HPSE2: variants seen among roughly 807,000 people sequenced by gnomAD.
HPSE2 encodes inactive heparanase-2.
Under a neutral mutation model 60.5 loss-of-function variants are expected in HPSE2, and 38 were observed. The observed-to-expected ratio is 0.63, with a 90% CI of 0.48 to 0.82. The LOEUF (loss-of-function observed/expected upper bound fraction) is 0.82. HPSE2 is among the 40% of genes least tolerant of loss of function. The probability of loss-of-function intolerance (pLI) is 0.00; values close to 1 mark genes in which losing one functional copy is unlikely to be tolerated. For synonymous variants in HPSE2, 295 were observed against 293.2 expected, an observed-to-expected ratio of 1.01 and a Z score of -0.06; for missense variants, 713 against 740.4, an observed-to-expected ratio of 0.96 and a Z score of 0.43.
chr10:99,160,681 C>T lies in HPSE2; in HGVS notation c.449-16282G>A, dbSNP rs61354444. 1.6e-3 allele frequency among the ~76,000 whole-genome samples: 250 copies of T among 151,832 alleles called. 1 individual carries two copies. The highest frequency in any genetic ancestry group is 5.6e-3 in the African/African-American group (233 of 41,456). ...TTGGGAGGCCGAGGCGGGCGGATCACGAGGTCAGGAGATCGAGACCATCCC... is the reference window on the plus strand; with the variant it reads ...TTGGGAGGCCGAGGCGGGCGGATCATGAGGTCAGGAGATCGAGACCATCCC... On this transcript the variant is annotated intron_variant, in intron 2 of 11. Transcript: ENST00000370552.
chr10:99,012,423 T>C (rs1482176052), intron 3 of HPSE2, among the ~76,000 whole-genome samples: 4 of 151,948 alleles, frequency 2.6e-5, no homozygotes, highest in Non-Finnish European at 5.9e-5. Context: ...TCATGCTTTT[T>C]CCTTTTCCTT....
chr10:98,865,762 C>G (rs1952572178), intron 3 of HPSE2, among the ~76,000 whole-genome samples: 1 of 152,030 alleles, frequency 6.6e-6, no homozygotes, highest in African/African-American at 2.4e-5. Flanking sequence ...AGTACTTATT[C>G]CTGCCAGTAA....
intron 9 of HPSE2, among the ~76,000 whole-genome samples, chr10:98,579,781 T>C (rs1358132522): frequency 1.3e-5 from 2 of 152,214 alleles, no homozygotes; most frequent in Non-Finnish European, 2.9e-5. Flanking sequence ...CCCTCCACTT[T>C]ACAGTTTCTA....
chr10:98,500,472 C>T lies in HPSE2; in HGVS notation c.1321-10276G>A, dbSNP rs146240084. On this transcript the variant is annotated intron_variant, in intron 9 of 11. Transcript: ENST00000370552. ...GATAGAAATTAAAAAATTATTCAAA[C>T]GAAATGACAATAATGACACAACCTG... Among the ~76,000 whole-genome samples the T allele has an allele frequency of 3.3e-3, 503 of 152,208 alleles. 3 individuals are homozygous for T. The highest frequency in any genetic ancestry group is 5.6e-3 in the Non-Finnish European group (379 of 67,982).
intron 3 of HPSE2, among the ~76,000 whole-genome samples, chr10:98,971,342 A>G (rs755114825): frequency 6.6e-6 from 1 of 152,166 alleles, no homozygotes; most frequent in Non-Finnish European, 1.5e-5. Flanking sequence ...AGAGGATATA[A>G]TTAATTCTAC....
At chr10:98,461,657 C>T (rs1206667426) in intron 11 of HPSE2, 8 of 756,196 alleles carry the variant, frequency 1.1e-5, no homozygotes, top group Non-Finnish European at 1.5e-5. Context: ...TCAATAATAC[C>T]GATTAATCTT....
At chr10:99,152,903 G>A (rs1052410149) in intron 2 of HPSE2, among the ~76,000 whole-genome samples, 17 of 152,234 alleles carry the variant, frequency 1.1e-4, no homozygotes, top group East Asian at 1.9e-4. Context: ...CGCATCGTGC[G>A]CGAGCCGAAG....
intron 11 of HPSE2, among the ~76,000 whole-genome samples, chr10:98,477,023 T>C (rs1042722211): frequency 1.3e-5 from 2 of 152,212 alleles, no homozygotes; most frequent in African/African-American, 4.8e-5. Flanking sequence ...ACTGTTGTTG[T>C]AGCACATTGT....
chr10:98,470,408 A>G (rs1940729818), intron 11 of HPSE2, among the ~76,000 whole-genome samples: 3 of 152,172 alleles, frequency 2.0e-5, no homozygotes, highest in Admixed American at 2.0e-4. Context: ...GGTGTTTGGC[A>G]GTGGGTCCAC....
At chr10:98,565,099 G>T (rs614927) in intron 9 of HPSE2, among the ~76,000 whole-genome samples, 4 of 151,410 alleles carry the variant, frequency 2.6e-5, no homozygotes, top group African/African-American at 9.8e-5. Flanking sequence ...TTTTTTGTCA[G>T]TTTGTGGAAT....
chr10:99,094,783 C>T (rs1301870484), intron 3 of HPSE2, among the ~76,000 whole-genome samples: 2 of 151,414 alleles, frequency 1.3e-5, no homozygotes, highest in African/African-American at 4.9e-5. Context: ...TCTCAAACTA[C>T]TAACCTCTAG....
At chr10:98,889,939 TAACTCTTTACAAGGA>T (rs1335811880) in intron 3 of HPSE2, among the ~76,000 whole-genome samples, 2 of 152,184 alleles carry the variant, frequency 1.3e-5, no homozygotes, top group Non-Finnish European at 2.9e-5. Flanking sequence ...TAAATTAGTA[TAACTCTTTACAAGGA>T]AAATTTGGTA....
At chr10:99,260,905 C>A in the HPSE2 span, among the ~76,000 whole-genome samples, 1 of 152,196 alleles carries the variant, frequency 6.6e-6, no homozygotes, top group Non-Finnish European at 1.5e-5. Flanking sequence ...AAAACCTCTT[C>A]AACTCACACC....
the HPSE2 span, among the ~76,000 whole-genome samples, chr10:99,303,742 G>A: frequency 1.3e-5 from 2 of 152,106 alleles, no homozygotes; most frequent in African/African-American, 2.4e-5. Context: ...AGCCAGAAGT[G>A]GTAACATGAT....
chr10:99,290,644 G>C, the HPSE2 span, among the ~76,000 whole-genome samples: 4 of 152,158 alleles, frequency 2.6e-5, no homozygotes, highest in Admixed American at 2.6e-4. Flanking sequence ...GCCCATAGTG[G>C]GTTGGGGCAC....
intron 3 of HPSE2, among the ~76,000 whole-genome samples, chr10:99,089,414 A>C (rs978341223): frequency 6.6e-6 from 1 of 152,120 alleles, no homozygotes; most frequent in Non-Finnish European, 1.5e-5. Flanking sequence ...TCACAGCACC[A>C]TTTGTTGAAC....
At chr10:98,543,883 G>A (rs1943561608) in intron 9 of HPSE2, among the ~76,000 whole-genome samples, 1 of 152,030 alleles carries the variant, frequency 6.6e-6, no homozygotes, top group Non-Finnish European at 1.5e-5. Context: ...AATAATGGGA[G>A]ACTTTAACAC....
the HPSE2 span, among the ~76,000 whole-genome samples, chr10:99,309,188 A>T: frequency 6.6e-6 from 1 of 152,058 alleles, no homozygotes; most frequent in African/African-American, 2.4e-5. Flanking sequence ...GAAAGAATGG[A>T]GAGTAACTGT....
intron 11 of HPSE2, among the ~76,000 whole-genome samples, chr10:98,473,150 T>G (rs1940849184): frequency 6.6e-6 from 1 of 152,074 alleles, no homozygotes; most frequent in Non-Finnish European, 1.5e-5. Flanking sequence ...TATTTCCTCC[T>G]CCATCTCAGA....
Sources: gnomAD v4.1 joint callset for allele counts (sites outside exome capture counted in the v4.1 genomes callset) on GRCh38, gnomAD v4.1.1 for gene constraint, MANE v1.5 for transcripts, NCBI Gene and HGNC (gene_info 2026-07-23, HGNC 2026-07-21) for gene names.